HTR5A: variants seen among roughly 807,000 people sequenced by gnomAD.
HTR5A encodes 5-HT-5.
Under a neutral mutation model 24.3 loss-of-function variants are expected in HTR5A, and 21 were observed. That is an observed-to-expected ratio of 0.86 (90% CI 0.61 to 1.24). The LOEUF (loss-of-function observed/expected upper bound fraction) is 1.24, where lower values mean the gene tolerates loss of function less well. Ranked by LOEUF, HTR5A falls within the 50% of genes most tolerant of loss-of-function variation. HTR5A has a pLI of 0.00. For missense variants in HTR5A, 497 were observed against 489.5 expected (o/e 1.02, Z -0.15); for synonymous variants, 260 against 213.7 (o/e 1.22, Z -1.89).
chr7:155,072,356 C>T (rs770752184), intron 1 of HTR5A, among the ~76,000 whole-genome samples: 1 of 152,082 alleles, frequency 6.6e-6, no homozygotes, highest in Non-Finnish European at 1.5e-5. Context: ...GACTGAGGAC[C>T]ACTTGTCTGC....
At chr7:155,073,864 T>TATATATATATAC (rs1563419431) in intron 1 of HTR5A, among the ~76,000 whole-genome samples, 1 of 71,418 alleles carries the variant, frequency 1.4e-5, no homozygotes, top group African/African-American at 5.3e-5. Flanking sequence ...TGTGTGTGTG[T>TATATATATATAC]GTATATATAT....
rs112128862 is a variant in HTR5A at position 155,083,154 on chromosome 7, T to C, written c.742-1001T>C. ...CCAAGAATTAGTTAAGTGGGTTAGA[T>C]TAACCTGACAATTCTTTGCCTCAAA... On this transcript the variant is annotated intron_variant, in intron 1 of 1. Coordinates refer to ENST00000287907, the MANE Select transcript of HTR5A (RefSeq NM_024012.4). 6.1e-3 allele frequency among the ~76,000 whole-genome samples: 926 copies of C among 152,314 alleles called. 1 individual carries two copies. The highest frequency in any genetic ancestry group is 0.011 in the Non-Finnish European group (725 of 68,032).
At position 155,087,107 on chromosome 7, in the gene HTR5A, C is replaced by T. The variant is rs1264068039; in HGVS notation, c.*2620C>T. On this transcript the variant is annotated 3_prime_UTR_variant, in exon 2 of 2. Coordinates refer to ENST00000287907, the MANE Select transcript of HTR5A (RefSeq NM_024012.4). ...AGATAATCCTCTCCTTATGAGTGAT[C>T]TTAGCCCTCTTGAGGTCACTATCAG... 2.0e-5 allele frequency among the ~76,000 whole-genome samples: 3 copies of T among 152,272 alleles called. No homozygotes were observed. Among genetic ancestry groups the T allele is most frequent in the Non-Finnish European group, 4.4e-5 (3 of 68,020 alleles).
chr7:155,072,245 G>A (rs1377224528), intron 1 of HTR5A, among the ~76,000 whole-genome samples: 1 of 152,160 alleles, frequency 6.6e-6, no homozygotes, highest in African/African-American at 2.4e-5. Flanking sequence ...TGAAGATGTT[G>A]ACTGCACTAG....
chr7:155,074,974 C>T (rs1425979255), intron 1 of HTR5A, among the ~76,000 whole-genome samples: 1 of 152,226 alleles, frequency 6.6e-6, no homozygotes. Context: ...AGACAATTCC[C>T]TAATGGTAGG....
intron 1 of HTR5A, among the ~76,000 whole-genome samples, chr7:155,072,112 C>T (rs1051952000): frequency 2.0e-5 from 3 of 152,108 alleles, no homozygotes; most frequent in African/African-American, 4.8e-5. Flanking sequence ...TCAGGTGATG[C>T]AGGTTAGCAT....
Position 155,070,834 on chromosome 7 carries a change from TG to T in HTR5A, c.-64del. The T allele has an allele frequency of 6.6e-7, 1 of 1,504,070 alleles. No homozygotes were observed. The highest frequency in any genetic ancestry group is 8.9e-7 in the Non-Finnish European group (1 of 1,118,110). The allele number at this position is 1,504,070 out of a possible 1,614,324, so 93.2% of individuals were successfully genotyped here. ...ACATCCGGATTGGCTCTGGGCACAG[TG>T]GCCGCCTTAAGTCCTCCTGAACACC... is the stretch of plus-strand genomic sequence containing the variant. On this transcript the variant is annotated 5_prime_UTR_variant, in exon 1 of 2. The change creates a premature stop within an existing upstream ORF in the 5' untranslated region. Transcript: ENST00000287907.
chr7:155,074,760 C>T (rs1004713808), intron 1 of HTR5A: 4 of 152,180 alleles, frequency 2.6e-5, no homozygotes, highest in Non-Finnish European at 4.4e-5. Context: ...GATACTGAAG[C>T]TATTCATATA....
rs907165258 is a variant in HTR5A, at chr7:155,077,472, T to C, written c.741+5832T>C. Among the ~76,000 whole-genome samples, 8 of 146,138 alleles carry C rather than the reference T, an allele frequency of 5.5e-5. No individual in the cohort carries two copies. In the East Asian group the frequency reaches 1.4e-3, roughly 25 times the overall value. ...ACCAATAGGTTTTTTTTTTGTTTTT[T>C]TTTTTTTTTGAGACAGAGTCTCACA... is the stretch of plus-strand genomic sequence containing the variant. On this transcript the variant is annotated intron_variant, in intron 1 of 1. Transcript: ENST00000287907.
intron 1 of HTR5A, among the ~76,000 whole-genome samples, chr7:155,078,680 A>G (rs550647732): frequency 2.0e-5 from 3 of 147,810 alleles, no homozygotes; most frequent in East Asian, 3.9e-4. Context: ...ATTACTTTAC[A>G]TAATATATTT....
intron 1 of HTR5A, among the ~76,000 whole-genome samples, chr7:155,083,569 A>G (rs1048512599): frequency 1.3e-5 from 2 of 152,242 alleles, no homozygotes; most frequent in African/African-American, 2.4e-5. Flanking sequence ...CTAAAAGACT[A>G]GGGTCTCAGT....
chr7:155,075,048 C>CA (rs1372066332), intron 1 of HTR5A, among the ~76,000 whole-genome samples: 1 of 152,196 alleles, frequency 6.6e-6, no homozygotes, highest in Non-Finnish European at 1.5e-5. Flanking sequence ...TATATGAGAA[C>CA]ATACTTGGTT....
Position 155,071,383 on chromosome 7 carries a change from A to G in HTR5A, c.484A>G (p.Ile162Val), listed in dbSNP as rs932458916. Residue 162 changes from isoleucine (I) to valine (V), a missense_variant, in exon 1 of 2, where the codon ATC (isoleucine) becomes GTC (valine). By Grantham distance (29) the Ile-to-Val change is conservative (BLOSUM62 3). Transcript: ENST00000287907. ...RTRKCVSNVM[I>V]ALTWALSAVI... is the part of the protein sequence containing the mutation. ...CCGCAAGTGCGTCTCCAACGTCATG[A>G]TCGCGCTCACCTGGGCACTCTCCGC... 2 of 1,614,054 alleles carry G rather than the reference A, an allele frequency of 1.2e-6. No individual in the cohort carries two copies.
chr7:155,084,666 C>T lies in HTR5A; in HGVS notation c.*179C>T, dbSNP rs887513744. On this transcript the variant is annotated 3_prime_UTR_variant, in exon 2 of 2. Transcript: ENST00000287907. ...CCTCCTCAGTAGGAATATGACTCCT[C>T]ATAGAGTTACGGTGACATGATGTAT... The T allele has an allele frequency of 3.4e-6, 2 of 595,582 alleles. No homozygotes were observed. Among genetic ancestry groups the T allele is most frequent in the Admixed American group, 6.3e-5 (2 of 31,870 alleles). The allele number at this position is 595,582 out of a possible 1,614,324, so 36.9% of individuals were successfully genotyped here. A position where few individuals can be genotyped will look rare whatever the true frequency, so the allele number is the denominator to read the frequency against.
rs116199804 is a variant in HTR5A at position 155,086,435 on chromosome 7, C to T, written c.*1948C>T. Among the ~76,000 whole-genome samples the T allele has an allele frequency of 0.012, 1,771 of 152,308 alleles. 40 individuals are homozygous for T. Among genetic ancestry groups the T allele is most frequent in the African/African-American group, 0.041 (1,698 of 41,572 alleles). On this transcript the variant is annotated 3_prime_UTR_variant, in exon 2 of 2. Coordinates refer to ENST00000287907, the MANE Select transcript of HTR5A (RefSeq NM_024012.4). ...ATGTGCCACATTTTTCTGGTGGCTT[C>T]AAACACTCCCCAACTCTCCAAGGAT...
At position 155,086,154 on chromosome 7, in the gene HTR5A, A is replaced by G. The variant is rs1038087964; in HGVS notation, c.*1667A>G. ...GAAATCAGAGAGAATAACAAATGCT[A>G]TTGTTTTCTAGTGTTTTGAATAAGG... On this transcript the variant is annotated 3_prime_UTR_variant, in exon 2 of 2. Coordinates refer to ENST00000287907, the MANE Select transcript of HTR5A (RefSeq NM_024012.4). Among the ~76,000 whole-genome samples the G allele has an allele frequency of 6.6e-6, 1 of 152,190 alleles. No individual in the cohort carries two copies. The highest frequency in any genetic ancestry group is 1.5e-5 in the Non-Finnish European group (1 of 68,020).
chr7:155,080,002 T>C (rs1014576229), intron 1 of HTR5A, among the ~76,000 whole-genome samples: 3 of 152,208 alleles, frequency 2.0e-5, no homozygotes, highest in African/African-American at 7.2e-5. Flanking sequence ...GGTCTTCAAA[T>C]CATTAGCCCT....
rs917231272 is a variant in HTR5A at position 155,084,582 on chromosome 7, G to C, written c.*95G>C. The C allele has an allele frequency of 2.9e-6, 3 of 1,030,820 alleles. No individual in the cohort carries two copies. Among genetic ancestry groups the C allele is most frequent in the Non-Finnish European group, 4.3e-6 (3 of 697,308 alleles). 63.9% of individuals were successfully genotyped at this position (1,030,820 alleles called of 1,614,324 possible). ...ATCCCCACCCAACAGCCATGTGGAC[G>C]GGATGAATCCTCACCATTCTCCAGG... On this transcript the variant is annotated 3_prime_UTR_variant, in exon 2 of 2. Coordinates refer to ENST00000287907, the MANE Select transcript of HTR5A (RefSeq NM_024012.4).
At chr7:155,081,321 A>T (rs1470067191) in intron 1 of HTR5A, among the ~76,000 whole-genome samples, 1 of 152,190 alleles carries the variant, frequency 6.6e-6, no homozygotes, top group Admixed American at 6.5e-5. Context: ...CAGGCAAAGC[A>T]GAGTGGTTGG....
Sources: allele counts gnomAD v4.1 joint callset (sites outside exome capture counted in the v4.1 genomes callset), GRCh38; gene constraint gnomAD v4.1.1; transcripts MANE v1.5; gene names NCBI Gene and HGNC (gene_info 2026-07-23, HGNC 2026-07-21).